Variants in RRBP1 observed in about 807,000 individuals in gnomAD.
RRBP1 encodes the protein ribosome binding protein 1.
A neutral mutation model predicts 165.2 loss-of-function variants in RRBP1; 94 were observed. That is an observed-to-expected ratio of 0.57 (90% CI 0.48 to 0.68). The LOEUF is 0.68. Among genes scored for constraint, RRBP1 ranks in the 30% least tolerant of loss-of-function variants. RRBP1 has a pLI of 0.00. For missense variants in RRBP1, 1,676 were observed against 1,763.0 expected, an observed-to-expected ratio of 0.95 and a Z score of 0.88; for synonymous variants, 680 against 714.5, an observed-to-expected ratio of 0.95 and a Z score of 0.77.
intron 1 of RRBP1, among the ~76,000 whole-genome samples, chr20:17,681,485 G>A (rs1236338009): frequency 6.0e-5 from 9 of 148,976 alleles, no homozygotes; most frequent in African/African-American, 2.2e-4. Context: ...GGCGCGCTCG[G>A]CCCGTGGGCC....
chr20:17,657,221 G>T (rs370397814), intron 3 of RRBP1, among the ~76,000 whole-genome samples: 1 of 152,226 alleles, frequency 6.6e-6, no homozygotes, highest in East Asian at 1.9e-4. Flanking sequence ...AGGCCAGAGC[G>T]TCTGGGTTTT....
chr20:17,645,749 C>G (rs953790584), intron 3 of RRBP1, among the ~76,000 whole-genome samples: 2 of 152,212 alleles, frequency 1.3e-5, no homozygotes, highest in Non-Finnish European at 2.9e-5. Flanking sequence ...CTCGAAGATA[C>G]CAGTAATCTT....
intron 13 of RRBP1, among the ~76,000 whole-genome samples, chr20:17,622,501 C>T (rs1423330983): frequency 6.6e-6 from 1 of 151,966 alleles, no homozygotes; most frequent in African/African-American, 2.4e-5. Context: ...TCATCTCCAG[C>T]CACCCTGGAG....
intron 2 of RRBP1, among the ~76,000 whole-genome samples, chr20:17,676,899 C>T (rs1464438108): frequency 6.6e-6 from 1 of 152,074 alleles, no homozygotes; most frequent in Non-Finnish European, 1.5e-5. Flanking sequence ...AGGCACATGC[C>T]ACCATGCCTG....
In RRBP1 at chr20:17,614,105, T is replaced by C; in HGVS notation, c.*77A>G. ...TTGGGCCTGGATAACGCTGTGTAGG[T>C]TGGTTGGTTTATTTGTAAGGAATGT... is the stretch of plus-strand genomic sequence containing the variant. On this transcript the variant is annotated 3_prime_UTR_variant, in exon 25 of 25. Transcript: ENST00000377813. The C allele has an allele frequency of 7.1e-7, 1 of 1,408,308 alleles. No individual in the cohort carries two copies. The highest frequency in any genetic ancestry group is 2.3e-5 in the East Asian group (1 of 43,546). The allele number at this position is 1,408,308 out of a possible 1,614,324, so 87.2% of individuals were successfully genotyped here.
At chr20:17,679,531 G>A (rs904519506) in intron 2 of RRBP1, among the ~76,000 whole-genome samples, 1 of 152,104 alleles carries the variant, frequency 6.6e-6, no homozygotes, top group African/African-American at 2.4e-5. Context: ...AAATTCCCAG[G>A]GCTAAAAAGA....
chr20:17,670,399 C>CT (rs201580103), intron 2 of RRBP1, among the ~76,000 whole-genome samples: 18,741 of 133,616 alleles, frequency 0.14, 1,495 homozygotes, highest in Middle Eastern at 0.24. Context: ...GTGTAGGATT[C>CT]TTTTTTTTTT....
In RRBP1 at chr20:17,635,594, G is replaced by C. The variant is rs1290846119; in HGVS notation, c.2408C>G (p.Ser803Cys). 4 of 1,613,366 alleles carry C rather than the reference G, an allele frequency of 2.5e-6. No homozygotes were observed. The highest frequency in any genetic ancestry group is 3.4e-6 in the Non-Finnish European group (4 of 1,179,838). Residue 803 changes from serine to cysteine, a missense_variant, in exon 7 of 25, where the codon TCC becomes TGC. Physicochemically the swap from Ser to Cys is moderately radical, Grantham distance 112 (BLOSUM62 -1). Around this residue, in one of 5 missense-constraint regions of RRBP1, gnomAD observed 1,184 missense variants for 1,167.1 expected, o/e 1.01. Transcript: ENST00000377813. ...CTGGTTCAAGGCATCCCGCAGGATG[G>C]AGTTCTCCTGCTGCAGGCGGGCCAG... The part of the protein sequence containing the change: ...TQLARLQQEN[S>C]ILRDALNQAT...
chr20:17,664,811 G>A (rs187252222), intron 2 of RRBP1, among the ~76,000 whole-genome samples: 7 of 152,264 alleles, frequency 4.6e-5, no homozygotes, highest in African/African-American at 1.7e-4. Flanking sequence ...TGTGGGGTAG[G>A]GGTGGACAAA....
chr20:17,618,389 G>T (rs1490073666), intron 20 of RRBP1, among the ~76,000 whole-genome samples: 3 of 152,200 alleles, frequency 2.0e-5, no homozygotes, highest in Non-Finnish European at 4.4e-5. Flanking sequence ...GAGCACCCTG[G>T]TCCCAACAGC....
intron 2 of RRBP1, among the ~76,000 whole-genome samples, chr20:17,679,448 A>C (rs921788790): frequency 6.6e-6 from 1 of 152,242 alleles, no homozygotes; most frequent in Non-Finnish European, 1.5e-5. Flanking sequence ...TCCTGAAACA[A>C]GATTTTAGCA....
Position 17,627,567 on chromosome 20 carries a change from C to T in RRBP1, c.2865G>A (p.Glu955=), listed in dbSNP as rs765446437. ...EARAENSQLT[E]RIRSIEALLE... ...GCAGGGCCTCAATGGAACGGATTCTCTCTGTGAGCTGGGAGTTCTCCGCCC... is the reference window on the plus strand; with the variant it reads ...GCAGGGCCTCAATGGAACGGATTCTTTCTGTGAGCTGGGAGTTCTCCGCCC... The change falls in exon 10 of 25, where the codon GAG becomes GAA. Residue 955 remains glutamate (E), a synonymous_variant. Transcript: ENST00000377813. 5 of 1,613,546 alleles carry T rather than the reference C, an allele frequency of 3.1e-6. No individual in the cohort carries two copies. The Admixed American group carries it at 5.0e-5, about 16-fold the overall frequency.
intron 3 of RRBP1, among the ~76,000 whole-genome samples, chr20:17,657,607 A>C (rs1056604063): frequency 7.2e-5 from 11 of 152,148 alleles, no homozygotes; most frequent in Non-Finnish European, 1.2e-4. Context: ...AGAAAAGGAA[A>C]GGAGAGGAGA....
chr20:17,635,448 G>T, intron 7 of RRBP1, 98 bp downstream of exon 7: 2 of 866,246 alleles, frequency 2.3e-6, no homozygotes, highest in Non-Finnish European at 3.6e-6. Context: ...TAGGGCCCAT[G>T]CCTGGCTCTT....
chr20:17,648,792 A>G (rs1051517179), intron 3 of RRBP1, among the ~76,000 whole-genome samples: 6 of 152,200 alleles, frequency 3.9e-5, no homozygotes, highest in Non-Finnish European at 8.8e-5. Flanking sequence ...CCACATCACA[A>G]TATTTTTAAA....
intron 1 of RRBP1, among the ~76,000 whole-genome samples, chr20:17,680,924 A>G (rs2037169761): frequency 6.6e-6 from 1 of 152,194 alleles, no homozygotes; most frequent in Non-Finnish European, 1.5e-5. Flanking sequence ...CAGGAAATGG[A>G]GACCCCGAAC....
intron 4 of RRBP1, 71 bp downstream of exon 4, chr20:17,642,908 G>A: frequency 6.6e-7 from 1 of 1,510,318 alleles, no homozygotes; most frequent in Non-Finnish European, 9.1e-7. Flanking sequence ...CTCTGTGGCA[G>A]AGGGAAGGGC....
intron 11 of RRBP1, among the ~76,000 whole-genome samples, chr20:17,625,916 G>C (rs1600731954): frequency 6.6e-6 from 1 of 152,140 alleles, no homozygotes; most frequent in Admixed American, 6.5e-5. Flanking sequence ...CTCTCCTGGG[G>C]CCCTCACAGC....
intron 20 of RRBP1, 65 bp from the exon 21 acceptor site, chr20:17,616,904 G>T (rs2035812684): frequency 7.9e-7 from 1 of 1,264,364 alleles, no homozygotes; most frequent in African/African-American, 1.5e-5. Context: ...GCTCACTCCT[G>T]CAGGGACCCC....
Sources: gnomAD v4.1 joint callset for allele counts (sites outside exome capture counted in the v4.1 genomes callset) on GRCh38, gnomAD v4.1.1 for gene constraint, gnomAD v4.1.1 regional missense constraint, MANE v1.5 for transcripts, NCBI Gene and HGNC (gene_info 2026-07-23, HGNC 2026-07-21) for gene names.